PDLIM5: variants seen among roughly 807,000 people sequenced by gnomAD.
PDLIM5 encodes PDZ and LIM domain protein 5.
In PDLIM5, 34 loss-of-function variants were observed where a neutral mutation model predicts 64.2. The observed-to-expected ratio is 0.53, with a 90% CI of 0.40 to 0.71. The LOEUF (loss-of-function observed/expected upper bound fraction) is 0.71. PDLIM5 is among the 30% of genes least tolerant of loss of function. The pLI, the probability that PDLIM5 is intolerant of heterozygous loss-of-function variation, is 0.00. For missense variants in PDLIM5, 683 were observed against 733.6 expected (o/e 0.93, Z 0.80); for synonymous variants, 253 against 269.1 (o/e 0.94, Z 0.59).
At chr4:94,584,982 A>G (rs1352075577) in intron 5 of PDLIM5, 2 of 1,528,672 alleles carry the variant, frequency 1.3e-6, no homozygotes, top group Non-Finnish European at 1.8e-6. Context: ...CTGTCAATTA[A>G]AAGGAAAATC....
chr4:94,639,806 A>G (rs954920189), intron 8 of PDLIM5, among the ~76,000 whole-genome samples: 1 of 152,152 alleles, frequency 6.6e-6, no homozygotes, highest in Non-Finnish European at 1.5e-5. Context: ...AGAGGTATGT[A>G]TCACCTGAGG....
At position 94,664,405 on chromosome 4, in the gene PDLIM5, T is replaced by C; in HGVS notation, c.*338T>C. On this transcript the variant is annotated 3_prime_UTR_variant, in exon 13 of 13. Transcript: ENST00000317968. ...TAATCCAATCTGAAATAATTATACC[T>C]TCTTTCCTTGTTAGGTAGTTATGAG... The C allele has an allele frequency of 1.3e-6, 1 of 773,748 alleles. No individual in the cohort carries two copies. The highest frequency in any genetic ancestry group is 1.6e-6 in the Non-Finnish European group (1 of 635,738). The allele number at this position is 773,748 out of a possible 1,614,324, so 47.9% of individuals were successfully genotyped here.
At chr4:94,652,693 A>G (rs940984435) in intron 9 of PDLIM5, among the ~76,000 whole-genome samples, 4 of 152,176 alleles carry the variant, frequency 2.6e-5, no homozygotes, top group Admixed American at 6.5e-5. Flanking sequence ...GGCATTCCTT[A>G]TTAGTCATAA....
At chr4:94,456,059 T>C (rs1334842328) in intron 2 of PDLIM5, 1 of 1,198,628 alleles carries the variant, frequency 8.3e-7, no homozygotes, top group Non-Finnish European at 1.1e-6. Context: ...TTATTGAGAC[T>C]TGACTATATG....
chr4:94,499,702 A>G (rs1426448527), intron 2 of PDLIM5, among the ~76,000 whole-genome samples: 2 of 152,204 alleles, frequency 1.3e-5, no homozygotes, highest in Non-Finnish European at 2.9e-5. Context: ...GTTAGGAACC[A>G]GGCTGCACAG....
At position 94,456,291 on chromosome 4, in the gene PDLIM5, C is replaced by T. The variant is rs111792794; in HGVS notation, c.96+907C>T. 4,540 of 515,506 alleles carry T rather than the reference C, an allele frequency of 8.8e-3. 176 individuals are homozygous for T. Among genetic ancestry groups the T allele is most frequent in the African/African-American group, 0.081 (4,104 of 50,782 alleles). 31.9% of individuals were successfully genotyped at this position (515,506 alleles called of 1,614,324 possible). On this transcript the variant is annotated intron_variant, in intron 2 of 12. Coordinates refer to ENST00000317968, the MANE Select transcript of PDLIM5 (RefSeq NM_006457.5). ...TCGGCTCACCACAACCTCCATCTCC[C>T]GAGTTCAAGCGATTCTCCTGCCTCA...
At chr4:94,516,298 A>G (rs1352441394) in intron 2 of PDLIM5, among the ~76,000 whole-genome samples, 1 of 152,188 alleles carries the variant, frequency 6.6e-6, no homozygotes, top group Admixed American at 6.5e-5. Flanking sequence ...CCTCATTGCT[A>G]CCATATAAGG....
At position 94,666,836 on chromosome 4, in the gene PDLIM5, A is replaced by G. The variant is rs907111455; in HGVS notation, c.*2769A>G. ...ATCATGTTGTCTTTGTGCTTTGTCC[A>G]TCTCTTCCGTGGCGAAGCTTTATAT... On this transcript the variant is annotated 3_prime_UTR_variant, in exon 13 of 13. Transcript: ENST00000317968. 3 of 152,164 alleles carry G rather than the reference A, an allele frequency of 2.0e-5. No homozygotes were observed. Among genetic ancestry groups the G allele is most frequent in the Non-Finnish European group, 4.4e-5 (3 of 68,030 alleles). 9.4% of individuals were successfully genotyped at this position (152,164 alleles called of 1,614,324 possible). A position where few individuals can be genotyped will look rare whatever the true frequency, so the allele number is the denominator to read the frequency against.
At chr4:94,560,817 C>T (rs1021115550) in intron 3 of PDLIM5, among the ~76,000 whole-genome samples, 15 of 152,154 alleles carry the variant, frequency 9.9e-5, no homozygotes, top group Non-Finnish European at 2.2e-4. Context: ...TGCTCCACCT[C>T]CCGGGTTCAC....
chr4:94,665,952 T>G lies in PDLIM5; in HGVS notation c.*1885T>G. ...CAGGGAAACAATTGTGGTAAAACTG[T>G]GGATCCTGTTGCTATTTGCCCAGTG... On this transcript the variant is annotated 3_prime_UTR_variant, in exon 13 of 13. Coordinates refer to ENST00000317968, the MANE Select transcript of PDLIM5 (RefSeq NM_006457.5). The G allele has an allele frequency of 6.6e-7, 1 of 1,523,868 alleles. No homozygotes were observed. Among genetic ancestry groups the G allele is most frequent in the Non-Finnish European group, 8.8e-7 (1 of 1,140,990 alleles). 94.4% of individuals were successfully genotyped at this position (1,523,868 alleles called of 1,614,324 possible).
intron 7 of PDLIM5, among the ~76,000 whole-genome samples, chr4:94,599,679 T>C (rs1737340031): frequency 6.6e-6 from 1 of 152,048 alleles, no homozygotes; most frequent in African/African-American, 2.4e-5. Context: ...GAAATAATCA[T>C]GAGAGATTGT....
At chr4:94,577,582 T>C (rs1024891235) in intron 5 of PDLIM5, among the ~76,000 whole-genome samples, 2 of 36,672 alleles carry the variant, frequency 5.5e-5, no homozygotes, top group Non-Finnish European at 1.1e-4. Flanking sequence ...GGTCGTAATC[T>C]TTTTTTTTTT....
intron 11 of PDLIM5, among the ~76,000 whole-genome samples, chr4:94,658,774 G>T (rs1404053333): frequency 6.6e-6 from 1 of 152,218 alleles, no homozygotes; most frequent in Non-Finnish European, 1.5e-5. Flanking sequence ...AGAAATTCCA[G>T]TGAAGTACCC....
intron 2 of PDLIM5, among the ~76,000 whole-genome samples, chr4:94,508,788 G>A (rs551173566): frequency 6.6e-6 from 1 of 152,240 alleles, no homozygotes; most frequent in African/African-American, 2.4e-5. Flanking sequence ...TACTTTCAAT[G>A]GCAAAAACTG....
chr4:94,566,811 T>C (rs1489489622), intron 3 of PDLIM5, among the ~76,000 whole-genome samples: 4 of 152,262 alleles, frequency 2.6e-5, no homozygotes, highest in African/African-American at 4.8e-5. Flanking sequence ...TTGTGCTTGC[T>C]GATACTACTA....
At chr4:94,586,954 ACT>A (rs1736260399) in intron 7 of PDLIM5, 1 of 1,215,334 alleles carries the variant, frequency 8.2e-7, no homozygotes, top group Admixed American at 2.3e-5. Flanking sequence ...CTCTTCTATC[ACT>A]CTTTTTTTTT....
intron 9 of PDLIM5, among the ~76,000 whole-genome samples, chr4:94,652,415 C>T (rs1004849265): frequency 1.3e-4 from 20 of 152,188 alleles, no homozygotes; most frequent in African/African-American, 4.6e-4. Flanking sequence ...ATTTTTCATG[C>T]GTGTATAACC....
At chr4:94,485,535 T>A (rs938905242) in intron 2 of PDLIM5, among the ~76,000 whole-genome samples, 2 of 152,120 alleles carry the variant, frequency 1.3e-5, no homozygotes, top group African/African-American at 4.8e-5. Context: ...ATAAACCTTA[T>A]CCATAAGAAA....
In PDLIM5 at chr4:94,630,378, T is replaced by C. The variant is rs59924483; in HGVS notation, c.1109-9898T>C. ...TAGTATCCATTGATTGATATATATA[T>C]GTATATATTTTTTTAAGACAGAATC... is the stretch of plus-strand genomic sequence containing the variant. On this transcript the variant is annotated intron_variant, in intron 8 of 12. Transcript: ENST00000317968. Among the ~76,000 whole-genome samples, 557 of 152,144 alleles carry C rather than the reference T, an allele frequency of 3.7e-3. 4 individuals are homozygous for C. The highest frequency in any genetic ancestry group is 0.013 in the African/African-American group (534 of 41,490).
Sources: allele counts gnomAD v4.1 joint callset (sites outside exome capture counted in the v4.1 genomes callset), GRCh38; gene constraint gnomAD v4.1.1; transcripts MANE v1.5; gene names NCBI Gene and HGNC (gene_info 2026-07-23, HGNC 2026-07-21).